The following ABCA13 variants were observed in gnomAD, a reference collection of about 807,000 sequenced individuals.
ABCA13 encodes the protein ATP-binding cassette sub-family A member 13.
ABCA13 carries 476 observed loss-of-function variants against 478.7 expected under a neutral mutation model. That is an observed-to-expected ratio of 0.99 (90% CI 0.92 to 1.07). The LOEUF (loss-of-function observed/expected upper bound fraction) is 1.07, where lower values mean the gene tolerates loss of function less well. Ranked by LOEUF, ABCA13 falls within the 50% of genes least tolerant of loss-of-function variation. ABCA13 has a pLI of 0.00. For synonymous variants in ABCA13, 2,252 were observed against 2,158.9 expected (o/e 1.04, Z -1.20); for missense variants, 6,060 against 5,910.6 (o/e 1.03, Z -0.83).
Position 48,227,525 on chromosome 7 carries a change from A to C in ABCA13, c.632+100A>C, listed in dbSNP as rs1055089442. The C allele has an allele frequency of 3.6e-6, 5 of 1,377,316 alleles. No individual in the cohort carries two copies. In the African/African-American group the frequency reaches 5.9e-5, roughly 16 times the overall value. 85.3% of individuals were successfully genotyped at this position (1,377,316 alleles called of 1,614,324 possible). A position where few individuals can be genotyped will look rare whatever the true frequency, so the allele number is the denominator to read the frequency against. On this transcript the variant is annotated intron_variant, in intron 6 of 61. Transcript: ENST00000435803. ...AATTACTAATTGTTGGATTTAAAAA[A>C]ACCTCACAATAATGTTACCTTGAAA...
intron 55 of ABCA13, among the ~76,000 whole-genome samples, chr7:48,570,377 T>A (rs1288882208): frequency 7.2e-6 from 1 of 138,710 alleles, no homozygotes; most frequent in African/African-American, 2.8e-5. Flanking sequence ...CAGGCTGGAG[T>A]GCAGTGGCGC....
intron 50 of ABCA13, among the ~76,000 whole-genome samples, chr7:48,509,062 G>T (rs1261246998): frequency 6.6e-6 from 1 of 152,104 alleles, no homozygotes; most frequent in Admixed American, 6.5e-5. Context: ...GTAACAATAA[G>T]GATTCCCAAG....
chr7:48,521,604 TTAGTC>T (rs1265197449), intron 53 of ABCA13, among the ~76,000 whole-genome samples: 1 of 152,140 alleles, frequency 6.6e-6, no homozygotes, highest in African/African-American at 2.4e-5. Context: ...CCTTACTAGT[TTAGTC>T]TATTTTATAA....
chr7:48,237,762 CT>C (rs748408048), intron 8 of ABCA13, among the ~76,000 whole-genome samples: 24 of 152,334 alleles, frequency 1.6e-4, no homozygotes, highest in African/African-American at 1.9e-4. Flanking sequence ...CTCACATCCT[CT>C]GTGGATCTCC....
chr7:48,475,601 G>T (rs978738540), intron 45 of ABCA13, among the ~76,000 whole-genome samples: 2 of 151,714 alleles, frequency 1.3e-5, no homozygotes, highest in Admixed American at 6.6e-5. Flanking sequence ...GAGTAGCTGG[G>T]ATTACAGGCA....
At chr7:48,298,280 C>T (rs1014401495) in intron 22 of ABCA13, 86 bp from the exon 23 acceptor site, 5 of 1,249,524 alleles carry the variant, frequency 4.0e-6, no homozygotes, top group African/African-American at 3.0e-5. Context: ...CTATCCTAGC[C>T]AGGTTGTAAT....
chr7:48,426,928 T>C (rs1188595868), intron 41 of ABCA13, among the ~76,000 whole-genome samples: 1 of 54,532 alleles, frequency 1.8e-5, no homozygotes, highest in Non-Finnish European at 3.2e-5. Flanking sequence ...GGTGCAGTCC[T>C]ATGCCTGCAG....
chr7:48,536,728 T>C (rs1833611201), intron 55 of ABCA13, among the ~76,000 whole-genome samples: 1 of 152,148 alleles, frequency 6.6e-6, no homozygotes, highest in African/African-American at 2.4e-5. Context: ...AAATTTGTTA[T>C]AAATAAGAGG....
intron 57 of ABCA13, among the ~76,000 whole-genome samples, chr7:48,587,964 G>A (rs760206005): frequency 4.6e-5 from 7 of 152,228 alleles, no homozygotes; most frequent in Middle Eastern, 3.2e-3. Context: ...CCATAAATTG[G>A]ATTCTAATCA....
chr7:48,208,647 TG>T (rs937104380), intron 3 of ABCA13, among the ~76,000 whole-genome samples: 2 of 152,156 alleles, frequency 1.3e-5, no homozygotes, highest in Non-Finnish European at 2.9e-5. Context: ...GATTTTTCTT[TG>T]TTAATTTTGT....
At chr7:48,497,687 C>T (rs1481325552) in intron 48 of ABCA13, among the ~76,000 whole-genome samples, 2 of 141,496 alleles carry the variant, frequency 1.4e-5, no homozygotes, top group East Asian at 3.9e-4. Flanking sequence ...GACCAGATCG[C>T]CCACCAGCCT....
At chr7:48,333,968 G>T (rs1412566398) in intron 27 of ABCA13, among the ~76,000 whole-genome samples, 1 of 152,142 alleles carries the variant, frequency 6.6e-6, no homozygotes, top group Admixed American at 6.5e-5. Context: ...CATTACCAGT[G>T]TCATCCGAGC....
At chr7:48,484,386 A>G (rs935561380) in intron 47 of ABCA13, among the ~76,000 whole-genome samples, 8 of 152,262 alleles carry the variant, frequency 5.3e-5, no homozygotes, top group African/African-American at 1.4e-4. Context: ...TGAAAATATC[A>G]TTATTAATAA....
intron 5 of ABCA13, among the ~76,000 whole-genome samples, chr7:48,223,958 CAAAAA>C (rs1197606657): frequency 2.5e-5 from 2 of 78,624 alleles, no homozygotes; most frequent in Non-Finnish European, 3.0e-5. Flanking sequence ...GACTCGGTCT[CAAAAA>C]AAAAAAAAAA....
In ABCA13 at chr7:48,387,909, A is replaced by G. The variant is rs753656858; in HGVS notation, c.11423A>G (p.Tyr3808Cys). The G allele has an allele frequency of 1.9e-6, 3 of 1,613,278 alleles. No homozygotes were observed. Among genetic ancestry groups the G allele is most frequent in the East Asian group, 4.5e-5 (2 of 44,842 alleles). ...GGTTTCTTGGTGGAGAAAAGGCAAT[A>G]CTTTCTAAGTTCTAGTCTGTTCTTC... ...SVGFLVEKRQYFLSSSLFFFN... is the reference protein window; with the variant it reads ...SVGFLVEKRQCFLSSSLFFFN... The change falls in exon 36 of 62, where the codon TAC becomes TGC. Residue 3808 changes from tyrosine (Y) to cysteine (C), a missense_variant. Tyr to Cys is a radical substitution (Grantham distance 194, BLOSUM62 -2). Transcript: ENST00000435803.
At chr7:48,576,636 C>G (rs1034792984) in intron 55 of ABCA13, among the ~76,000 whole-genome samples, 1 of 152,172 alleles carries the variant, frequency 6.6e-6, no homozygotes, top group East Asian at 1.9e-4. Context: ...TCCTCACCAC[C>G]ACATCAGTGG....
chr7:48,491,018 T>C (rs1380244584), intron 48 of ABCA13, among the ~76,000 whole-genome samples: 1 of 152,042 alleles, frequency 6.6e-6, no homozygotes, highest in Non-Finnish European at 1.5e-5. Context: ...ATTGAGGCAC[T>C]AGGGATGGGA....
chr7:48,550,503 C>G (rs145850091), intron 55 of ABCA13, among the ~76,000 whole-genome samples: 10,395 of 116,440 alleles, frequency 0.089, 586 homozygotes, highest in African/African-American at 0.18. Context: ...AGTGATCCGC[C>G]CCCCCTCAGC....
At chr7:48,338,259 T>C (rs1806579852) in intron 28 of ABCA13, 106 bp from the exon 29 acceptor site, 6 of 752,766 alleles carry the variant, frequency 8.0e-6, no homozygotes, top group Non-Finnish European at 1.2e-5. Flanking sequence ...ATTCAGTTTA[T>C]GTGCCTTGTT....
Sources: allele counts gnomAD v4.1 joint callset (sites outside exome capture counted in the v4.1 genomes callset), GRCh38; gene constraint gnomAD v4.1.1; transcripts MANE v1.5; gene names NCBI Gene and HGNC (gene_info 2026-07-23, HGNC 2026-07-21).